CCDC126: variants seen among roughly 807,000 people sequenced by gnomAD.
The protein encoded by CCDC126 is coiled-coil domain containing 126.
In CCDC126, 5 loss-of-function variants were observed where a neutral mutation model predicts 11.7. That is an observed-to-expected ratio of 0.43 (90% CI 0.22 to 0.90). CCDC126 has a LOEUF of 0.90. CCDC126 is among the 40% of genes least tolerant of loss of function. CCDC126 has a pLI of 0.27. For missense variants in CCDC126, 150 were observed against 163.1 expected, an observed-to-expected ratio of 0.92 and a Z score of 0.44; for synonymous variants, 60 against 61.9, an observed-to-expected ratio of 0.97 and a Z score of 0.14.
At chr7:23,630,505 A>G (rs201912697) in intron 3 of CCDC126, among the ~76,000 whole-genome samples, 10 of 116,354 alleles carry the variant, frequency 8.6e-5, no homozygotes, top group African/African-American at 2.3e-4. Flanking sequence ...CAGTCAATCA[A>G]TCAATCAATC....
intron 3 of CCDC126, among the ~76,000 whole-genome samples, chr7:23,633,368 A>T (rs772439090): frequency 2.4e-4 from 37 of 151,718 alleles, no homozygotes; most frequent in Non-Finnish European, 4.3e-4. Context: ...GAGTGGGAGA[A>T]GGTAGCTATA....
intron 3 of CCDC126, among the ~76,000 whole-genome samples, chr7:23,623,223 A>G (rs1337543583): frequency 6.6e-6 from 1 of 151,634 alleles, no homozygotes; most frequent in East Asian, 1.9e-4. Context: ...CAGCCTCCCA[A>G]GGTGCTGGGA....
At chr7:23,616,268 C>A (rs1782793752) in intron 3 of CCDC126, among the ~76,000 whole-genome samples, 1 of 152,176 alleles carries the variant, frequency 6.6e-6, no homozygotes, top group Admixed American at 6.5e-5. Context: ...CCAGTCATCT[C>A]TGGCCTGGAC....
chr7:23,640,447 A>G (rs951288650), intron 3 of CCDC126, among the ~76,000 whole-genome samples: 9 of 152,138 alleles, frequency 5.9e-5, no homozygotes, highest in Admixed American at 3.3e-4. Flanking sequence ...CGATGAGCCG[A>G]GATCGCGCCA....
chr7:23,611,196 C>G lies in CCDC126; in HGVS notation c.-120C>G. ...AGTTAATAGAGTGGATACAACCTTG[C>G]TGAAGATGAAGAATATACAATATTG... On this transcript the variant is annotated 5_prime_UTR_variant, in exon 3 of 4. Transcript: ENST00000307471. 1.5e-6 allele frequency: 1 copy of G among 671,450 alleles called. No homozygotes were observed. The highest frequency in any genetic ancestry group is 2.5e-5 in the East Asian group (1 of 39,778). The allele number at this position is 671,450 out of a possible 1,614,324, so 41.6% of individuals were successfully genotyped here. A position where few individuals can be genotyped will look rare whatever the true frequency, so the allele number is the denominator to read the frequency against.
chr7:23,611,228 T>C lies in CCDC126; in HGVS notation c.-88T>C. On this transcript the variant is annotated 5_prime_UTR_variant, in exon 3 of 4. Transcript: ENST00000307471. ...TGAAGAATATACAATATTGAGGATA[T>C]TTTTTTCTTTTTTTTTTCAAGTCTT... 1 of 793,968 alleles carries C rather than the reference T, an allele frequency of 1.3e-6. No homozygotes were observed. The highest frequency in any genetic ancestry group is 2.1e-6 in the Non-Finnish European group (1 of 470,816). The allele number at this position is 793,968 out of a possible 1,614,324, so 49.2% of individuals were successfully genotyped here.
intron 3 of CCDC126, among the ~76,000 whole-genome samples, chr7:23,638,729 A>AAAAAAAAAAAAAAAAAC (rs1783292875): frequency 2.7e-5 from 1 of 36,418 alleles, no homozygotes; most frequent in Non-Finnish European, 4.7e-5. Flanking sequence ...AAAAAAATTA[A>AAAAAAAAAAAAAAAAAC]AAAAAAAAAA....
At chr7:23,620,360 G>T (rs1161732201) in intron 3 of CCDC126, among the ~76,000 whole-genome samples, 17 of 150,794 alleles carry the variant, frequency 1.1e-4, no homozygotes, top group African/African-American at 3.2e-4. Context: ...TCATGTGTCT[G>T]TTGGCTGCAT....
chr7:23,610,868 T>C (rs1005748426), intron 2 of CCDC126, among the ~76,000 whole-genome samples: 2 of 152,202 alleles, frequency 1.3e-5, no homozygotes, highest in African/African-American at 4.8e-5. Context: ...TGAGATCTCC[T>C]ATATATCTCA....
chr7:23,604,997 CAAA>C (rs35137744), intron 2 of CCDC126, among the ~76,000 whole-genome samples: 8 of 92,612 alleles, frequency 8.6e-5, no homozygotes, highest in Admixed American at 2.5e-4. Flanking sequence ...GACTTCGTCT[CAAA>C]AAAAAAAAAA....
intron 3 of CCDC126, among the ~76,000 whole-genome samples, chr7:23,620,770 G>A (rs987617436): frequency 1.3e-4 from 20 of 152,290 alleles, no homozygotes; most frequent in Admixed American, 3.9e-4. Flanking sequence ...GTGTAAGGAA[G>A]GGATCCAGTT....
chr7:23,621,383 G>T (rs925746908), intron 3 of CCDC126, among the ~76,000 whole-genome samples: 1 of 152,058 alleles, frequency 6.6e-6, no homozygotes, highest in African/African-American at 2.4e-5. Context: ...CTCTGTTTGT[G>T]TGTTATTGGT....
intron 3 of CCDC126, among the ~76,000 whole-genome samples, chr7:23,640,038 C>T (rs1024485243): frequency 2.0e-5 from 3 of 151,700 alleles, no homozygotes; most frequent in South Asian, 2.1e-4. Context: ...CAAAAATTAG[C>T]TGGGTGTGGT....
intron 3 of CCDC126, among the ~76,000 whole-genome samples, chr7:23,629,523 T>A (rs946975400): frequency 2.0e-5 from 3 of 152,018 alleles, no homozygotes; most frequent in African/African-American, 7.3e-5. Flanking sequence ...AAAAAGATTT[T>A]AAAGCTGCTA....
chr7:23,607,308 C>T (rs1782639492), intron 2 of CCDC126, among the ~76,000 whole-genome samples: 1 of 152,134 alleles, frequency 6.6e-6, no homozygotes, highest in African/African-American at 2.4e-5. Flanking sequence ...TCAATGTTGG[C>T]CTATCAGGTT....
At chr7:23,638,618 CT>C (rs1484949773) in intron 3 of CCDC126, among the ~76,000 whole-genome samples, 1 of 123,110 alleles carries the variant, frequency 8.1e-6, no homozygotes, top group Non-Finnish European at 1.7e-5. Context: ...AACCAGAGAC[CT>C]TTGTTCACTT....
intron 3 of CCDC126, among the ~76,000 whole-genome samples, chr7:23,638,333 A>T (rs1209764659): frequency 2.9e-5 from 4 of 137,080 alleles, no homozygotes; most frequent in Non-Finnish European, 4.7e-5. Context: ...GTGTGGATAG[A>T]AGTGGGCATG....
At chr7:23,597,688 G>GCGCCCCCGTCCCCGGTCCCCGCCC (rs1782445797) in intron 1 of CCDC126, 83 bp downstream of exon 1, 1 of 152,540 alleles carries the variant, frequency 6.6e-6, no homozygotes, top group African/African-American at 2.4e-5. Context: ...CTCCCCCGCC[G>GCGCCCCCGTCCCCGGTCCCCGCCC]CGCCCCCGTC....
At chr7:23,625,660 T>TC (rs1192056735) in intron 3 of CCDC126, among the ~76,000 whole-genome samples, 1 of 139,168 alleles carries the variant, frequency 7.2e-6, no homozygotes, top group East Asian at 2.0e-4. Context: ...TTTTTTTTTT[T>TC]TTTTTTTTTT....
Sources: allele counts gnomAD v4.1 joint callset (sites outside exome capture counted in the v4.1 genomes callset), GRCh38; gene constraint gnomAD v4.1.1; transcripts MANE v1.5; gene names NCBI Gene and HGNC (gene_info 2026-07-23, HGNC 2026-07-21).